The following MAGI2 variants were observed in gnomAD, a reference collection of about 807,000 sequenced individuals.
MAGI2 encodes membrane associated guanylate kinase, WW and PDZ domain containing 2, also known as membrane-associated guanylate kinase, WW and PDZ domain-containing protein 2.
MAGI2 carries 35 observed loss-of-function variants against 133.3 expected under a neutral mutation model. The ratio of observed to expected loss-of-function variants is 0.26; its 90% CI spans 0.20 to 0.35. The LOEUF (loss-of-function observed/expected upper bound fraction) is 0.35, where lower values mean the gene tolerates loss of function less well. MAGI2 is among the 10% of genes least tolerant of loss of function. MAGI2 has a pLI of 1.00. For synonymous variants in MAGI2, 729 were observed against 710.6 expected (o/e 1.03, Z -0.41); for missense variants, 1,636 against 1,863.4 (o/e 0.88, Z 2.25).
chr7:78,499,685 G>A (rs1216737470), intron 5 of MAGI2, among the ~76,000 whole-genome samples: 1 of 152,160 alleles, frequency 6.6e-6, no homozygotes, highest in Non-Finnish European at 1.5e-5. Context: ...TGGAAACATT[G>A]TAAGAAAATA....
chr7:78,417,079 G>T (rs967954512), intron 6 of MAGI2, among the ~76,000 whole-genome samples: 1 of 152,072 alleles, frequency 6.6e-6, no homozygotes, highest in Non-Finnish European at 1.5e-5. Context: ...AATAAAAGAA[G>T]ATAACAAGAT....
At chr7:78,106,489 T>G (rs1818705282) in intron 20 of MAGI2, among the ~76,000 whole-genome samples, 1 of 152,128 alleles carries the variant, frequency 6.6e-6, no homozygotes, top group Non-Finnish European at 1.5e-5. Context: ...GTACAAGCGT[T>G]CCCCTATCTC....
intron 1 of MAGI2, among the ~76,000 whole-genome samples, chr7:79,429,138 C>T (rs1290168813): frequency 6.6e-6 from 1 of 152,012 alleles, no homozygotes; most frequent in Admixed American, 6.6e-5. Context: ...AAGTACTTCT[C>T]CACCTTTTAT....
At chr7:78,561,241 C>G (rs190088307) in intron 3 of MAGI2, among the ~76,000 whole-genome samples, 2 of 151,990 alleles carry the variant, frequency 1.3e-5, no homozygotes, top group African/African-American at 2.4e-5. Flanking sequence ...TGTGGGCTCA[C>G]GAGACAGATG....
At chr7:78,238,993 C>T (rs1790849599) in intron 10 of MAGI2, among the ~76,000 whole-genome samples, 1 of 152,082 alleles carries the variant, frequency 6.6e-6, no homozygotes, top group Non-Finnish European at 1.5e-5. Flanking sequence ...GGCTTGTCTG[C>T]ATCAAGCACA....
intron 2 of MAGI2, among the ~76,000 whole-genome samples, chr7:78,955,360 T>G (rs193057608): frequency 6.6e-6 from 1 of 152,118 alleles, no homozygotes; most frequent in African/African-American, 2.4e-5. Context: ...ATTGCATACA[T>G]GCATGTAATA....
chr7:79,165,821 A>G (rs1824851122), intron 1 of MAGI2, among the ~76,000 whole-genome samples: 1 of 152,134 alleles, frequency 6.6e-6, no homozygotes, highest in Non-Finnish European at 1.5e-5. Context: ...ACAGAAATAT[A>G]CATATTACAA....
chr7:78,629,540 T>G (rs187723892), intron 2 of MAGI2, among the ~76,000 whole-genome samples: 1 of 152,294 alleles, frequency 6.6e-6, no homozygotes, highest in East Asian at 1.9e-4. Flanking sequence ...CTTCCTTTAG[T>G]TCACCTTCAT....
chr7:78,653,485 G>A (rs1025859605), intron 2 of MAGI2, among the ~76,000 whole-genome samples: 1 of 152,046 alleles, frequency 6.6e-6, no homozygotes, highest in African/African-American at 2.4e-5. Flanking sequence ...TCCTTTGCAG[G>A]GACATGGATG....
intron 3 of MAGI2, among the ~76,000 whole-genome samples, chr7:78,526,936 A>G (rs1341523485): frequency 7.5e-6 from 1 of 132,950 alleles, no homozygotes; most frequent in Non-Finnish European, 1.6e-5. Flanking sequence ...TGAACCTGGG[A>G]GGCAGAGGGT....
chr7:78,794,202 A>G (rs1314094976), intron 2 of MAGI2, among the ~76,000 whole-genome samples: 1 of 152,192 alleles, frequency 6.6e-6, no homozygotes, highest in Non-Finnish European at 1.5e-5. Context: ...GAACTCACAC[A>G]CTTTGCTGTT....
intron 2 of MAGI2, among the ~76,000 whole-genome samples, chr7:78,829,647 A>C (rs1584060290): frequency 6.6e-6 from 1 of 152,246 alleles, no homozygotes; most frequent in South Asian, 2.1e-4. Context: ...TAAAGCCATA[A>C]GAAAGACATC....
intron 1 of MAGI2, among the ~76,000 whole-genome samples, chr7:79,207,722 A>G (rs1223789557): frequency 6.6e-6 from 1 of 151,956 alleles, no homozygotes; most frequent in Non-Finnish European, 1.5e-5. Context: ...AAAAGACTCC[A>G]AATAGCCAAA....
intron 2 of MAGI2, among the ~76,000 whole-genome samples, chr7:78,650,451 A>T (rs1229388638): frequency 3.3e-5 from 5 of 152,128 alleles, no homozygotes; most frequent in Admixed American, 2.0e-4. Context: ...TGTCATTTCC[A>T]TGGGAGTAAG....
chr7:78,064,640 A>C (rs1325201461), intron 21 of MAGI2, among the ~76,000 whole-genome samples: 4 of 152,162 alleles, frequency 2.6e-5, no homozygotes, highest in African/African-American at 9.7e-5. Flanking sequence ...TTTGATTTAT[A>C]CTTATATGGC....
At chr7:78,904,218 AG>A (rs1284200933) in intron 2 of MAGI2, 3 of 152,250 alleles carry the variant, frequency 2.0e-5, no homozygotes, top group African/African-American at 7.2e-5. Flanking sequence ...GAAGGATGCT[AG>A]AAGACGTGTA....
At chr7:78,054,537 TG>T (rs1465670238) in intron 21 of MAGI2, among the ~76,000 whole-genome samples, 1 of 152,130 alleles carries the variant, frequency 6.6e-6, no homozygotes, top group Admixed American at 6.5e-5. Flanking sequence ...GGTGTGTGTA[TG>T]TATTATATTC....
intron 2 of MAGI2, among the ~76,000 whole-genome samples, chr7:78,898,649 A>C (rs1249691645): frequency 6.6e-6 from 1 of 152,082 alleles, no homozygotes; most frequent in East Asian, 1.9e-4. Context: ...ACTAGGGCCT[A>C]TCAGAGGATC....
intron 1 of MAGI2, among the ~76,000 whole-genome samples, chr7:79,305,258 T>A (rs1837695203): frequency 6.6e-6 from 1 of 152,190 alleles, no homozygotes; most frequent in African/African-American, 2.4e-5. Flanking sequence ...TACATATATA[T>A]GTATATAGTT....
Sources: allele counts gnomAD v4.1 joint callset (sites outside exome capture counted in the v4.1 genomes callset), GRCh38; gene constraint gnomAD v4.1.1; transcripts MANE v1.5; gene names NCBI Gene and HGNC (gene_info 2026-07-23, HGNC 2026-07-21).